The following GPATCH1 variants were observed in gnomAD, a reference collection of about 807,000 sequenced individuals.
GPATCH1 encodes G patch domain-containing protein 1.
GPATCH1 carries 73 observed loss-of-function variants against 114.9 expected under a neutral mutation model. The ratio of observed to expected loss-of-function variants is 0.64; its 90% CI spans 0.53 to 0.77. The LOEUF is 0.77. GPATCH1 is among the 30% of genes least tolerant of loss of function. The pLI, the probability that GPATCH1 is intolerant of heterozygous loss-of-function variation, is 0.00. For synonymous variants in GPATCH1, 391 were observed against 428.4 expected (o/e 0.91, Z 1.08); for missense variants, 1,058 against 1,144.3 (o/e 0.92, Z 1.09).
rs139698891 is a variant in GPATCH1, at chr19:33,093,460, C to T, written c.396C>T (p.Ala132=). The change falls in exon 4 of 20, where the codon GCC becomes GCT. Residue 132 remains alanine, a synonymous_variant. Coordinates refer to ENST00000170564, the MANE Select transcript of GPATCH1 (RefSeq NM_018025.3). ...TACGAGAAAAGGCTAGGCAGTTGGC[C>T]GCTGCTACTGCCCCTATTCCTGGAG... ...DRIREKARQL[A]AATAPIPGAT... is the part of the protein sequence containing the mutation. 2.2e-5 allele frequency: 35 copies of T among 1,613,510 alleles called. No individual in the cohort carries two copies. The African/African-American group carries it at 2.4e-4, about 11-fold the overall frequency.
rs191174945 is a variant in GPATCH1 at position 33,083,009 on chromosome 19, C to T, written c.73+1743C>T. ...ATCCCAGCACTTTGGGAGGCCGAGG[C>T]GGGCAGATCGCGAATTCAGAAGATC... On this transcript the variant is annotated intron_variant, in intron 1 of 19. Coordinates refer to ENST00000170564, the MANE Select transcript of GPATCH1 (RefSeq NM_018025.3). Among the ~76,000 whole-genome samples the T allele has an allele frequency of 4.2e-3, 644 of 151,836 alleles. 4 individuals carry two copies. The highest frequency in any genetic ancestry group is 0.015 in the African/African-American group (605 of 41,472).
Position 33,094,170 on chromosome 19 carries a change from A to T in GPATCH1, c.456-2A>T. On this transcript the variant is annotated splice_acceptor_variant, in intron 4 of 19. Transcript: ENST00000170564. LOFTEE classifies it high-confidence loss of function. Reference sequence around the variant, plus strand: ...TTCATTTTCAATGCCTTGCTATCCTAGATTATCTGTTGGTTTCGAATTGCT... The same window carrying T: ...TTCATTTTCAATGCCTTGCTATCCTTGATTATCTGTTGGTTTCGAATTGCT... 2.7e-6 allele frequency: 4 copies of T among 1,503,142 alleles called. No individual in the cohort carries two copies. The highest frequency in any genetic ancestry group is 3.7e-6 in the Non-Finnish European group (4 of 1,078,796). 93.1% of individuals were successfully genotyped at this position (1,503,142 alleles called of 1,614,324 possible).
intron 19 of GPATCH1, among the ~76,000 whole-genome samples, chr19:33,129,242 CA>C (rs1005312700): frequency 4.0e-3 from 477 of 120,018 alleles, no homozygotes; most frequent in African/African-American, 8.8e-3. Flanking sequence ...GACTCTGTCT[CA>C]AAAAAAAAAA....
chr19:33,097,364 C>T (rs1396319355), intron 7 of GPATCH1, among the ~76,000 whole-genome samples: 1 of 152,190 alleles, frequency 6.6e-6, no homozygotes, highest in Non-Finnish European at 1.5e-5. Flanking sequence ...TAGCAGCGGC[C>T]CTTAGACCCC....
At chr19:33,101,457 C>G (rs773001610) in intron 8 of GPATCH1, 38 bp from the exon 9 acceptor site, 2 of 1,119,592 alleles carry the variant, frequency 1.8e-6, no homozygotes, top group Admixed American at 3.5e-5. Flanking sequence ...TTCTAATCAT[C>G]TCTACTTCTG....
At chr19:33,093,301 G>A in intron 3 of GPATCH1, 58 bp from the exon 4 acceptor site, 1 of 1,105,172 alleles carries the variant, frequency 9.0e-7, no homozygotes, top group Non-Finnish European at 1.3e-6. Context: ...AAAACTATGT[G>A]ATGTATTGTG....
intron 17 of GPATCH1, among the ~76,000 whole-genome samples, chr19:33,120,266 TA>T (rs908552723): frequency 2.0e-5 from 1 of 49,208 alleles, no homozygotes; most frequent in Non-Finnish European, 2.9e-5. Context: ...ATTTTTTATA[TA>T]TAACAATTAT....
At chr19:33,085,395 A>T (rs1424662318) in intron 1 of GPATCH1, among the ~76,000 whole-genome samples, 1 of 151,984 alleles carries the variant, frequency 6.6e-6, no homozygotes, top group Non-Finnish European at 1.5e-5. Flanking sequence ...AATTTTAAAC[A>T]TTGCGTCACT....
chr19:33,089,746 G>A (rs1016813587), intron 2 of GPATCH1, among the ~76,000 whole-genome samples: 36 of 149,880 alleles, frequency 2.4e-4, no homozygotes, highest in African/African-American at 8.9e-4. Context: ...TCAGCCTCCC[G>A]AGTAGCTAGG....
Position 33,126,577 on chromosome 19 carries a change from GT to G in GPATCH1, c.2620-5del. Reference sequence around the variant, plus strand: ...CATTTGTTTTCCCCCACCACTATTTGTTTTTTACAGAAAAAGAAACACAGGA... The same window carrying G: ...CATTTGTTTTCCCCCACCACTATTTGTTTTTACAGAAAAAGAAACACAGGA... On this transcript the variant is annotated splice_polypyrimidine_tract_variant and intron_variant, in intron 18 of 19. Coordinates refer to ENST00000170564, the MANE Select transcript of GPATCH1 (RefSeq NM_018025.3). 1.2e-6 allele frequency: 2 copies of G among 1,611,362 alleles called. No homozygotes were observed. The highest frequency in any genetic ancestry group is 1.1e-5 in the South Asian group (1 of 90,736).
At chr19:33,092,044 C>G (rs1458354837) in intron 3 of GPATCH1, among the ~76,000 whole-genome samples, 1 of 147,476 alleles carries the variant, frequency 6.8e-6, no homozygotes, top group Non-Finnish European at 1.5e-5. Context: ...GGTCCCTTTT[C>G]TTTTCTTTTT....
chr19:33,090,902 G>T (rs750364786), intron 3 of GPATCH1, 37 bp downstream of exon 3: 27 of 1,315,314 alleles, frequency 2.1e-5, no homozygotes, highest in Non-Finnish European at 3.0e-5. Flanking sequence ...ATTAGCTGGT[G>T]GGACAGGTCT....
chr19:33,126,443 A>T, intron 18 of GPATCH1, 145 bp from the exon 19 acceptor site: 1 of 1,213,684 alleles, frequency 8.2e-7, no homozygotes, highest in Non-Finnish European at 1.1e-6. Context: ...CTGTCTTGTT[A>T]GGCTCTCACT....
intron 17 of GPATCH1, among the ~76,000 whole-genome samples, chr19:33,122,568 C>A (rs1348096882): frequency 6.6e-6 from 1 of 152,016 alleles, no homozygotes; most frequent in Non-Finnish European, 1.5e-5. Flanking sequence ...TGTGATCTGC[C>A]CGCCTCAACC....
chr19:33,101,651 A>G (rs561765851), intron 9 of GPATCH1, 77 bp downstream of exon 9: 343 of 723,662 alleles, frequency 4.7e-4, no homozygotes, highest in Non-Finnish European at 7.6e-4. Context: ...TCTGAGTTCT[A>G]TTAACAACAG....
intron 5 of GPATCH1, among the ~76,000 whole-genome samples, chr19:33,095,267 T>G (rs900505563): frequency 6.7e-6 from 1 of 148,710 alleles, no homozygotes; most frequent in Admixed American, 6.7e-5. Context: ...GTTTTTTTTT[T>G]TTTTTTTTTT....
At chr19:33,112,732 T>A in intron 13 of GPATCH1, 119 bp downstream of exon 13, 6 of 667,344 alleles carry the variant, frequency 9.0e-6, no homozygotes, top group African/African-American at 1.8e-5. Context: ...TGCATATCAC[T>A]GGATATACAA....
At chr19:33,097,401 T>A (rs1158174429) in intron 7 of GPATCH1, among the ~76,000 whole-genome samples, 2 of 152,230 alleles carry the variant, frequency 1.3e-5, no homozygotes, top group Non-Finnish European at 2.9e-5. Context: ...CCAGGCCGCA[T>A]TGATCAGTTG....
chr19:33,084,576 C>A (rs575669380), intron 1 of GPATCH1, among the ~76,000 whole-genome samples: 1 of 152,124 alleles, frequency 6.6e-6, no homozygotes, highest in Non-Finnish European at 1.5e-5. Flanking sequence ...CTGCACTGTC[C>A]GCCTTTCTGG....
Sources: gnomAD v4.1 joint callset for allele counts (sites outside exome capture counted in the v4.1 genomes callset) on GRCh38, gnomAD v4.1.1 for gene constraint, MANE v1.5 for transcripts, NCBI Gene and HGNC (gene_info 2026-07-23, HGNC 2026-07-21) for gene names.